FNBP1L: variants seen among roughly 807,000 people sequenced by gnomAD.
FNBP1L encodes the protein formin binding protein 1 like.
A neutral mutation model predicts 91.2 loss-of-function variants in FNBP1L; 36 were observed. The ratio of observed to expected loss-of-function variants is 0.39; its 90% CI spans 0.30 to 0.52. The LOEUF (loss-of-function observed/expected upper bound fraction) is 0.52, where lower values mean the gene tolerates loss of function less well. FNBP1L is among the 20% of genes least tolerant of loss of function. The probability of loss-of-function intolerance (pLI) is 0.66; values close to 1 mark genes in which losing one functional copy is unlikely to be tolerated. For synonymous variants in FNBP1L, 242 were observed against 237.0 expected (o/e 1.02, Z -0.19); for missense variants, 571 against 732.1 (o/e 0.78, Z 2.54).
intron 1 of FNBP1L, among the ~76,000 whole-genome samples, chr1:93,481,302 A>G (rs1320954143): frequency 6.6e-6 from 1 of 152,132 alleles, no homozygotes; most frequent in Admixed American, 6.5e-5. Flanking sequence ...TATTCCTTCA[A>G]TATTTTAGTG....
At chr1:93,550,123 C>T (rs926922680) in intron 15 of FNBP1L, among the ~76,000 whole-genome samples, 1 of 152,258 alleles carries the variant, frequency 6.6e-6, no homozygotes, top group East Asian at 1.9e-4. Context: ...GGTCTTTCTC[C>T]CCACTTCGTG....
chr1:93,466,297 A>G (rs1018035196), intron 1 of FNBP1L, among the ~76,000 whole-genome samples: 5 of 152,118 alleles, frequency 3.3e-5, no homozygotes, highest in African/African-American at 1.2e-4. Flanking sequence ...CCTGAAAGGT[A>G]TTGCCTAGGT....
chr1:93,458,787 A>T (rs1429878469), intron 1 of FNBP1L, among the ~76,000 whole-genome samples: 1 of 152,214 alleles, frequency 6.6e-6, no homozygotes, highest in Non-Finnish European at 1.5e-5. Context: ...AGAAATAAAC[A>T]TTCACATAAC....
chr1:93,488,604 A>G (rs1669992775), intron 1 of FNBP1L, among the ~76,000 whole-genome samples: 1 of 152,188 alleles, frequency 6.6e-6, no homozygotes, highest in Non-Finnish European at 1.5e-5. Context: ...TGGGGCATAT[A>G]AACTGGCATT....
At chr1:93,500,620 A>G (rs907145992) in intron 2 of FNBP1L, among the ~76,000 whole-genome samples, 2 of 149,488 alleles carry the variant, frequency 1.3e-5, no homozygotes, top group African/African-American at 5.1e-5. Flanking sequence ...ATCCTAAACA[A>G]TTTACTAATA....
intron 2 of FNBP1L, among the ~76,000 whole-genome samples, chr1:93,518,903 C>T (rs1671223708): frequency 6.6e-6 from 1 of 152,176 alleles, no homozygotes; most frequent in African/African-American, 2.4e-5. Context: ...TATCTATTTT[C>T]TGTATCTGAA....
intron 16 of FNBP1L, 89 bp downstream of exon 16, chr1:93,551,194 G>T: frequency 2.9e-6 from 4 of 1,403,462 alleles, no homozygotes; most frequent in Non-Finnish European, 2.8e-6. Context: ...ACATTCAACA[G>T]GTTGAAAAAA....
chr1:93,537,350 T>G (rs1283717253), intron 10 of FNBP1L, among the ~76,000 whole-genome samples: 1 of 152,056 alleles, frequency 6.6e-6, no homozygotes, highest in Non-Finnish European at 1.5e-5. Context: ...GGTTGTTTCG[T>G]TCTTCCTTCT....
intron 2 of FNBP1L, among the ~76,000 whole-genome samples, chr1:93,505,924 G>A (rs1670594001): frequency 6.6e-6 from 1 of 152,060 alleles, no homozygotes; most frequent in Non-Finnish European, 1.5e-5. Context: ...TGATCCACCC[G>A]TCTTGGCCTC....
At chr1:93,470,702 A>G (rs1331287427) in intron 1 of FNBP1L, among the ~76,000 whole-genome samples, 2 of 151,932 alleles carry the variant, frequency 1.3e-5, no homozygotes, top group East Asian at 1.9e-4. Flanking sequence ...GTGAAACCCC[A>G]TCTCTACTAA....
At chr1:93,490,620 G>C (rs1390223011) in intron 1 of FNBP1L, among the ~76,000 whole-genome samples, 2 of 152,130 alleles carry the variant, frequency 1.3e-5, no homozygotes, top group African/African-American at 2.4e-5. Flanking sequence ...TTACTAACTA[G>C]TAATTTATTC....
In FNBP1L at chr1:93,465,125, G is replaced by A. The variant is rs186076056; in HGVS notation, c.24+16820G>A. ...TCATTTTGTGGGGTCAGGTTTTTCT[G>A]TTTTGCTCTGAGAGAATGTTACCCT... On this transcript the variant is annotated intron_variant, in intron 1 of 16. Transcript: ENST00000271234. 1.9e-3 allele frequency among the ~76,000 whole-genome samples: 290 copies of A among 150,234 alleles called. 2 individuals carry two copies. The highest frequency in any genetic ancestry group is 6.8e-3 in the African/African-American group (278 of 40,822).
chr1:93,448,423 G>C, intron 1 of FNBP1L, 118 bp downstream of exon 1: 1 of 1,159,088 alleles, frequency 8.6e-7, no homozygotes, highest in Non-Finnish European at 1.2e-6. Flanking sequence ...TCCGGCGCTG[G>C]CGGAGGGTGA....
chr1:93,542,222 G>A (rs1168782158), intron 11 of FNBP1L, among the ~76,000 whole-genome samples: 1 of 151,994 alleles, frequency 6.6e-6, no homozygotes, highest in Non-Finnish European at 1.5e-5. Flanking sequence ...GCTATAGTGA[G>A]CCATGAGAGC....
At position 93,541,051 on chromosome 1, in the gene FNBP1L, A is replaced by G. The variant is rs1672027951; in HGVS notation, c.1159A>G (p.Lys387Glu). 1 of 1,536,470 alleles carries G rather than the reference A, an allele frequency of 6.5e-7. No individual in the cohort carries two copies. Among genetic ancestry groups the G allele is most frequent in the East Asian group, 2.5e-5 (1 of 40,792 alleles). The change falls in exon 11 of 17, where the codon AAG (lysine) becomes GAG (glutamate). Residue 387 changes from lysine to glutamate, a missense_variant. Physicochemically the swap from Lys to Glu is moderately conservative, Grantham distance 56. Transcript: ENST00000271234. ...CCATTGAACTATTCAGTGGTCGGTG[A>G]AGATGGTAAGCCTTATGTGCTGATC... The part of the protein sequence containing the change: ...FRSLKRGWSV[K>E]MGPALEDFSH...
chr1:93,530,742 A>T lies in FNBP1L; in HGVS notation c.511-13A>T, dbSNP rs1414321271. The stretch of plus-strand genomic sequence containing the variant: ...TTTGTTGTTGATAATAATTTCGACC[A>T]TTTTGCCCCTAGGCCAAACAGCAGT... On this transcript the variant is annotated splice_polypyrimidine_tract_variant and intron_variant, in intron 6 of 16. Coordinates refer to ENST00000271234, the MANE Select transcript of FNBP1L (RefSeq NM_001164473.3). 2 of 1,594,354 alleles carry T rather than the reference A, an allele frequency of 1.3e-6. No homozygotes were observed. The highest frequency in any genetic ancestry group is 1.7e-6 in the Non-Finnish European group (2 of 1,170,644).
chr1:93,494,332 A>G (rs1670195527), intron 1 of FNBP1L, among the ~76,000 whole-genome samples: 1 of 152,230 alleles, frequency 6.6e-6, no homozygotes, highest in South Asian at 2.1e-4. Flanking sequence ...ATGCACTGCA[A>G]GTGGATGTGT....
intron 7 of FNBP1L, among the ~76,000 whole-genome samples, chr1:93,532,235 G>A (rs563144814): frequency 1.4e-4 from 21 of 152,166 alleles, no homozygotes; most frequent in East Asian, 7.8e-4. Context: ...TTGGGAGGCC[G>A]AGGCAGGTGG....
intron 1 of FNBP1L, among the ~76,000 whole-genome samples, chr1:93,479,097 TAGAA>T (rs1052445288): frequency 7.9e-5 from 12 of 152,202 alleles, no homozygotes; most frequent in African/African-American, 1.4e-4. Context: ...GTCTGAGAAA[TAGAA>T]AGAGTACAAA....
Sources: gnomAD v4.1 joint callset for allele counts (sites outside exome capture counted in the v4.1 genomes callset) on GRCh38, gnomAD v4.1.1 for gene constraint, MANE v1.5 for transcripts, NCBI Gene and HGNC (gene_info 2026-07-23, HGNC 2026-07-21) for gene names.